Variants in COLEC12 observed in about 807,000 individuals in gnomAD.
The protein encoded by COLEC12 is collectin subfamily member 12, also known as collectin-12.
COLEC12 carries 33 observed loss-of-function variants against 71.1 expected under a neutral mutation model. The ratio of observed to expected loss-of-function variants is 0.46; its 90% confidence interval spans 0.35 to 0.62. The LOEUF (loss-of-function observed/expected upper bound fraction) is 0.62, where lower values mean the gene tolerates loss of function less well. COLEC12 is among the 20% of genes least tolerant of loss of function. The probability of loss-of-function intolerance (pLI) is 0.00; values close to 1 mark genes in which losing one functional copy is unlikely to be tolerated. For synonymous variants in COLEC12, 350 were observed against 353.0 expected, an observed-to-expected ratio of 0.99 and a Z score of 0.10; for missense variants, 765 against 916.1, an observed-to-expected ratio of 0.84 and a Z score of 2.13.
intron 2 of COLEC12, among the ~76,000 whole-genome samples, chr18:375,161 T>C (rs1466334839): frequency 6.6e-6 from 1 of 152,162 alleles, no homozygotes; most frequent in African/African-American, 2.4e-5. Flanking sequence ...CTCAAGCTCT[T>C]CTGGGAGCTT....
intron 3 of COLEC12, among the ~76,000 whole-genome samples, chr18:355,063 C>G (rs563852302): frequency 2.4e-4 from 37 of 151,878 alleles, no homozygotes; most frequent in African/African-American, 5.8e-4. Flanking sequence ...ATCCATCCAT[C>G]CATCCATCCA....
chr18:373,591 G>A (rs771544474), intron 2 of COLEC12, among the ~76,000 whole-genome samples: 33 of 152,128 alleles, frequency 2.2e-4, no homozygotes, highest in Non-Finnish European at 3.4e-4. Context: ...CCAGGGCATG[G>A]GATCAGTCAT....
At chr18:358,515 A>G (rs138287829) in intron 2 of COLEC12, among the ~76,000 whole-genome samples, 825 of 152,326 alleles carry the variant, frequency 5.4e-3, no homozygotes, top group Middle Eastern at 0.01. Context: ...GATCCCTCAC[A>G]TGCACAGTTC....
intron 5 of COLEC12, 74 bp from the exon 6 acceptor site, chr18:335,304 T>G (rs1306905078): frequency 6.7e-7 from 1 of 1,486,618 alleles, no homozygotes; most frequent in Non-Finnish European, 9.0e-7. Flanking sequence ...TTTCTTCTTA[T>G]AAAATCTCCA....
chr18:358,669 A>T (rs1190992376), intron 2 of COLEC12, among the ~76,000 whole-genome samples: 1 of 152,194 alleles, frequency 6.6e-6, no homozygotes, highest in Non-Finnish European at 1.5e-5. Context: ...ACCTCCTGCT[A>T]TGCAGTCCAG....
At chr18:406,729 C>T (rs1483605684) in intron 2 of COLEC12, among the ~76,000 whole-genome samples, 1 of 152,198 alleles carries the variant, frequency 6.6e-6, no homozygotes, top group Non-Finnish European at 1.5e-5. Flanking sequence ...GGACTGGAGT[C>T]AGGCACTGGC....
intron 2 of COLEC12, among the ~76,000 whole-genome samples, chr18:405,549 T>C (rs540146782): frequency 2.8e-4 from 43 of 152,226 alleles, no homozygotes; most frequent in African/African-American, 7.0e-4. Context: ...CTGACACTTA[T>C]AGAAAATAGA....
intron 2 of COLEC12, among the ~76,000 whole-genome samples, chr18:441,650 G>A (rs907743635): frequency 1.3e-5 from 2 of 151,986 alleles, no homozygotes; most frequent in African/African-American, 4.8e-5. Context: ...TTTACATTAG[G>A]ACAAATACTA....
chr18:494,950 C>T (rs967510379), intron 1 of COLEC12, among the ~76,000 whole-genome samples: 9 of 152,104 alleles, frequency 5.9e-5, no homozygotes, highest in Non-Finnish European at 1.2e-4. Flanking sequence ...ATTTTAAAAC[C>T]CCCATGCTGA....
chr18:425,216 C>T (rs1350000791), intron 2 of COLEC12, among the ~76,000 whole-genome samples: 2 of 152,174 alleles, frequency 1.3e-5, no homozygotes, highest in Non-Finnish European at 2.9e-5. Context: ...TAACTCAAAC[C>T]CGTGAGTTGC....
chr18:330,890 T>TC (rs386386806), intron 8 of COLEC12, among the ~76,000 whole-genome samples: 2 of 150,690 alleles, frequency 1.3e-5, no homozygotes, highest in African/African-American at 4.9e-5. Flanking sequence ...TTTTTTTTTT[T>TC]CTTTTTTGAG....
At chr18:344,459 G>A (rs16942962) in intron 5 of COLEC12, among the ~76,000 whole-genome samples, 7,666 of 152,264 alleles carry the variant, frequency 0.05, 188 homozygotes, top group Middle Eastern at 0.1. Flanking sequence ...CTCACAGTAC[G>A]TGGTTTCTAG....
intron 2 of COLEC12, among the ~76,000 whole-genome samples, chr18:364,079 T>C (rs1180349707): frequency 6.6e-6 from 1 of 152,252 alleles, no homozygotes; most frequent in East Asian, 1.9e-4. Context: ...TGAACTTACA[T>C]TCAAATTCTG....
chr18:412,354 C>T (rs892746111), intron 2 of COLEC12, among the ~76,000 whole-genome samples: 4 of 151,830 alleles, frequency 2.6e-5, no homozygotes, highest in African/African-American at 9.7e-5. Context: ...ACCCAGAGTC[C>T]TATATCCAGC....
At chr18:321,103 G>A (rs1392540285) in intron 9 of COLEC12, among the ~76,000 whole-genome samples, 1 of 152,202 alleles carries the variant, frequency 6.6e-6, no homozygotes, top group Non-Finnish European at 1.5e-5. Context: ...TTCCCAGGCT[G>A]GAGTGCAATG....
intron 2 of COLEC12, among the ~76,000 whole-genome samples, chr18:459,426 T>A (rs1916934761): frequency 6.6e-6 from 1 of 152,226 alleles, no homozygotes; most frequent in African/African-American, 2.4e-5. Context: ...TTGGAAGAGT[T>A]AGCATGCACA....
chr18:388,622 C>T (rs1374925329), intron 2 of COLEC12, among the ~76,000 whole-genome samples: 2 of 152,192 alleles, frequency 1.3e-5, no homozygotes, highest in African/African-American at 4.8e-5. Context: ...GAGACAGGGT[C>T]TTGCTCTGTT....
intron 2 of COLEC12, among the ~76,000 whole-genome samples, chr18:418,471 T>C (rs1253740184): frequency 6.6e-6 from 1 of 152,118 alleles, no homozygotes. Flanking sequence ...AACTCCATCT[T>C]AAATAGGAGC....
intron 2 of COLEC12, among the ~76,000 whole-genome samples, chr18:450,285 C>A (rs1455706256): frequency 6.6e-6 from 1 of 152,196 alleles, no homozygotes; most frequent in Non-Finnish European, 1.5e-5. Context: ...TCCGCCAAAT[C>A]TCATGTCGAT....
Sources: gnomAD v4.1 joint callset for allele counts (sites outside exome capture counted in the v4.1 genomes callset) on GRCh38, gnomAD v4.1.1 for gene constraint, MANE v1.5 for transcripts, NCBI Gene and HGNC (gene_info 2026-07-23, HGNC 2026-07-21) for gene names.